Variants in AGO2 observed in about 807,000 individuals in gnomAD.
AGO2 encodes protein argonaute-2.
AGO2 carries 5 observed loss-of-function variants against 102.3 expected under a neutral mutation model. That is an observed-to-expected ratio of 0.05 (90% CI 0.03 to 0.10). The LOEUF is 0.10. Ranked by LOEUF, AGO2 falls within the 10% of genes least tolerant of loss-of-function variation. AGO2 has a pLI of 1.00. For synonymous variants in AGO2, 449 were observed against 473.1 expected, an observed-to-expected ratio of 0.95 and a Z score of 0.66; for missense variants, 541 against 1,183.7, an observed-to-expected ratio of 0.46 and a Z score of 7.97.
Position 140,521,097 on chromosome 8 carries a change from T to C in AGO2, c.*10947A>G, listed in dbSNP as rs781420346. On this transcript the variant is annotated 3_prime_UTR_variant, in exon 19 of 19. Transcript: ENST00000220592. ...GAAAGAAAATGCAGCATATTCAGGT[T>C]CTTTTTCTTGAGGTACCTATATAAA... The C allele has an allele frequency of 5.3e-5, 8 of 152,204 alleles. No individual in the cohort carries two copies. Among genetic ancestry groups the C allele is most frequent in the Non-Finnish European group, 8.8e-5 (6 of 68,038 alleles). The allele number at this position is 152,204 out of a possible 1,614,324, so 9.4% of individuals were successfully genotyped here. A position where few individuals can be genotyped will look rare whatever the true frequency, so the allele number is the denominator to read the frequency against.
intron 1 of AGO2, 120 bp from the exon 2 acceptor site, chr8:140,585,431 A>T: frequency 9.0e-7 from 1 of 1,113,574 alleles, no homozygotes; most frequent in Non-Finnish European, 1.3e-6. Flanking sequence ...CGTCCAGGCC[A>T]ATATTGCATT....
At chr8:140,556,393 T>G in intron 8 of AGO2, 107 bp from the exon 9 acceptor site, 2 of 1,417,578 alleles carry the variant, frequency 1.4e-6, no homozygotes, top group Non-Finnish European at 1.9e-6. Context: ...GGACCGTCTC[T>G]GCCTCATCCC....
At chr8:140,608,653 A>G (rs1405104570) in intron 1 of AGO2, among the ~76,000 whole-genome samples, 1 of 152,202 alleles carries the variant, frequency 6.6e-6, no homozygotes, top group Non-Finnish European at 1.5e-5. Flanking sequence ...AGCCAGGACA[A>G]TCCACGGGGA....
chr8:140,580,778 T>C (rs562446569), intron 2 of AGO2, among the ~76,000 whole-genome samples: 327 of 152,328 alleles, frequency 2.1e-3, no homozygotes, highest in African/African-American at 6.8e-3. Flanking sequence ...CTGTTTTGAT[T>C]GATTATAATT....
intron 1 of AGO2, among the ~76,000 whole-genome samples, chr8:140,593,980 G>C (rs369849427): frequency 6.6e-6 from 1 of 152,186 alleles, no homozygotes; most frequent in African/African-American, 2.4e-5. Context: ...TTCCATCTGC[G>C]AGCACAGGAA....
At chr8:140,610,639 C>T (rs1349494452) in intron 1 of AGO2, among the ~76,000 whole-genome samples, 1 of 152,238 alleles carries the variant, frequency 6.6e-6, no homozygotes, top group Non-Finnish European at 1.5e-5. Flanking sequence ...GCAGGGAGCC[C>T]GGCTCCCATA....
chr8:140,639,961 A>G (rs1252119030), upstream of AGO2, among the ~76,000 whole-genome samples: 1 of 152,078 alleles, frequency 6.6e-6, no homozygotes, highest in East Asian at 1.9e-4. Flanking sequence ...ATCTCTAGAC[A>G]AGAGGTACTT....
intron 10 of AGO2, 82 bp downstream of exon 10, chr8:140,555,813 CG>C: frequency 3.0e-5 from 46 of 1,513,844 alleles, no homozygotes; most frequent in Non-Finnish European, 3.6e-5. Flanking sequence ...GTCTACACCG[CG>C]GGCGATAGCT....
Position 140,529,455 on chromosome 8 carries a change from TG to T in AGO2, c.*2588del, listed in dbSNP as rs781251904. On this transcript the variant is annotated 3_prime_UTR_variant, in exon 19 of 19. Transcript: ENST00000220592. ...TCAGACATGTACAAAGGTGTGCAGC[TG>T]ACCCAGCTGGAGATGTTTGGTCTAT... is the stretch of plus-strand genomic sequence containing the variant. 6.6e-6 allele frequency: 1 copy of T among 152,268 alleles called. No homozygotes were observed. Among genetic ancestry groups the T allele is most frequent in the Non-Finnish European group, 1.5e-5 (1 of 68,052 alleles). 9.4% of individuals were successfully genotyped at this position (152,268 alleles called of 1,614,324 possible). A position where few individuals can be genotyped will look rare whatever the true frequency, so the allele number is the denominator to read the frequency against.
chr8:140,558,552 G>A lies in AGO2; in HGVS notation c.811C>T (p.His271Tyr). 1 of 1,614,240 alleles carries A rather than the reference G, an allele frequency of 6.2e-7. No individual in the cohort carries two copies. The highest frequency in any genetic ancestry group is 8.5e-7 in the Non-Finnish European group (1 of 1,180,042). Residue 271 changes from histidine to tyrosine, a missense_variant, in exon 7 of 19, where the codon CAC becomes TAC. Transcript: ENST00000220592. ...EIKGLKVEITHCGQMKRKYRV... is the reference protein window; with the variant it reads ...EIKGLKVEITYCGQMKRKYRV... ...TACTTCCTCTTCATCTGCCCACAGT[G>A]CGTTATCTCCACCTTTAGACCTGGG...
chr8:140,565,641 CA>C lies in AGO2; in HGVS notation c.337-3008del, dbSNP rs34444857. On this transcript the variant is annotated intron_variant, in intron 3 of 18. Transcript: ENST00000220592. ...TGGGGATCAGAGTGAGACTCTGTCT[CA>C]AAAAAAAAAAAAGAAGAAGAAGAAG... Among the ~76,000 whole-genome samples the C allele has an allele frequency of 2.1e-3, 234 of 110,540 alleles. 1 individual carries two copies. Among genetic ancestry groups the C allele is most frequent in the Middle Eastern group, 5.2e-3 (1 of 192 alleles). 72.5% of individuals were successfully genotyped at this position (110,540 alleles called of 152,430 possible). A position where few individuals can be genotyped will look rare whatever the true frequency, so the allele number is the denominator to read the frequency against.
intron 2 of AGO2, among the ~76,000 whole-genome samples, chr8:140,573,748 C>T (rs995450014): frequency 1.8e-4 from 28 of 152,334 alleles, no homozygotes; most frequent in African/African-American, 5.8e-4. Context: ...TAGGGTCAGG[C>T]GCCCATGCCT....
At chr8:140,547,153 G>T (rs1262077536) in intron 13 of AGO2, among the ~76,000 whole-genome samples, 2 of 152,190 alleles carry the variant, frequency 1.3e-5, no homozygotes, top group African/African-American at 4.8e-5. Context: ...CTGCTGCTGA[G>T]CCAGGGAAGC....
At chr8:140,628,004 C>A (rs1464504285) in intron 1 of AGO2, among the ~76,000 whole-genome samples, 2 of 152,220 alleles carry the variant, frequency 1.3e-5, no homozygotes, top group Non-Finnish European at 2.9e-5. Flanking sequence ...CCTGGAGCTG[C>A]TCGAGGGCTT....
intron 1 of AGO2, among the ~76,000 whole-genome samples, chr8:140,605,365 G>A (rs1215368467): frequency 6.6e-6 from 1 of 152,172 alleles, no homozygotes. Flanking sequence ...CCAACGTGCC[G>A]CGATTACAGG....
At chr8:140,561,265 T>C (rs889354795) in intron 4 of AGO2, among the ~76,000 whole-genome samples, 2 of 152,254 alleles carry the variant, frequency 1.3e-5, no homozygotes, top group African/African-American at 2.4e-5. Flanking sequence ...AAACACGCTG[T>C]GAGCCTCGAT....
intron 10 of AGO2, among the ~76,000 whole-genome samples, chr8:140,553,637 G>T (rs573605141): frequency 1.3e-5 from 2 of 151,932 alleles, no homozygotes; most frequent in African/African-American, 2.4e-5. Context: ...TCGAATTCCT[G>T]ACCTCAGGTG....
In AGO2 at chr8:140,557,283, T is replaced by C; in HGVS notation, c.879-47A>G. 2 of 1,562,898 alleles carry C rather than the reference T, an allele frequency of 1.3e-6. No individual in the cohort carries two copies. Among genetic ancestry groups the C allele is most frequent in the Non-Finnish European group, 1.7e-6 (2 of 1,153,682 alleles). ...CAGGCCGAGGGCATCCCGGAGCCCC[T>C]TCCCCTGCGCTGCTTTTCATTTGCG... On this transcript the variant is annotated intron_variant, in intron 7 of 18. Coordinates refer to ENST00000220592, the MANE Select transcript of AGO2 (RefSeq NM_012154.5). The surrounding 1 kb of genome is among the most constrained non-coding windows in gnomAD (Gnocchi z 5.9).
At chr8:140,532,372 A>C (rs1298083692) in intron 18 of AGO2, 44 bp downstream of exon 18, 1 of 1,578,702 alleles carries the variant, frequency 6.3e-7, no homozygotes, top group Non-Finnish European at 8.6e-7. Context: ...TACCCGTGGC[A>C]AAAACCACCC....
Sources: gnomAD v4.1 joint callset for allele counts (sites outside exome capture counted in the v4.1 genomes callset) on GRCh38, gnomAD v4.1.1 for gene constraint, Gnocchi (gnomAD v3.1) non-coding constraint, MANE v1.5 for transcripts, NCBI Gene and HGNC (gene_info 2026-07-23, HGNC 2026-07-21) for gene names.